The following WDR59 variants were observed in gnomAD, a reference collection of about 807,000 sequenced individuals.
WDR59 encodes the protein GATOR2 complex protein WDR59.
A neutral mutation model predicts 131.2 loss-of-function variants in WDR59; 100 were observed. That is an observed-to-expected ratio of 0.76 (90% CI 0.65 to 0.90). The LOEUF (loss-of-function observed/expected upper bound fraction) is 0.90, where lower values mean the gene tolerates loss of function less well. WDR59 is among the 40% of genes least tolerant of loss of function. The pLI is 0.00. For synonymous variants in WDR59, 601 were observed against 466.2 expected (o/e 1.29, Z -3.72); for missense variants, 1,203 against 1,262.2 (o/e 0.95, Z 0.71).
intron 1 of WDR59, among the ~76,000 whole-genome samples, chr16:74,981,639 TA>T (rs1567450696): frequency 0.15 from 6,126 of 40,860 alleles, 976 homozygotes; most frequent in Admixed American, 0.16. Context: ...TATATATATA[TA>T]TATATATATA....
chr16:74,941,693 A>AG (rs974678276), intron 7 of WDR59, among the ~76,000 whole-genome samples: 1 of 105,714 alleles, frequency 9.5e-6, no homozygotes, highest in Non-Finnish European at 1.7e-5. Flanking sequence ...CTCTGTCTCA[A>AG]GAAAAAAAAA....
chr16:74,946,636 C>T (rs552170322), intron 6 of WDR59, among the ~76,000 whole-genome samples: 2 of 152,000 alleles, frequency 1.3e-5, no homozygotes, highest in East Asian at 3.9e-4. Flanking sequence ...GTGGGAGAAA[C>T]GCTTGAACAA....
chr16:74,916,166 T>C lies in WDR59; in HGVS notation c.1060A>G (p.Thr354Ala). 1 of 1,614,186 alleles carries C rather than the reference T, an allele frequency of 6.2e-7. No individual in the cohort carries two copies. Among genetic ancestry groups the C allele is most frequent in the Non-Finnish European group, 8.5e-7 (1 of 1,180,022 alleles). The change falls in exon 12 of 26, where the codon ACA becomes GCA. Residue 354 changes from threonine to alanine, a missense_variant. Physicochemically the swap from Thr to Ala is moderately conservative, Grantham distance 58. Transcript: ENST00000262144. ...TGGCTTGCAGTGTGCTGGTGATCTG[T>C]ATCTTCAGTGTGCAGGGTCTTCTCA... ...EPEKTLHTED[T>A]DHQHTASHGE...
At chr16:74,900,296 TG>T (rs1965491427) in intron 18 of WDR59, among the ~76,000 whole-genome samples, 1 of 151,652 alleles carries the variant, frequency 6.6e-6, no homozygotes, top group South Asian at 2.1e-4. Flanking sequence ...ATCTTCAGAG[TG>T]ACACCATGGG....
At chr16:74,967,554 C>A (rs917245064) in intron 1 of WDR59, among the ~76,000 whole-genome samples, 2 of 152,126 alleles carry the variant, frequency 1.3e-5, no homozygotes, top group Non-Finnish European at 2.9e-5. Flanking sequence ...AGGTCCCAAT[C>A]AATTGACCTT....
At chr16:74,878,479 C>T (rs1008217462) in intron 25 of WDR59, among the ~76,000 whole-genome samples, 3 of 152,082 alleles carry the variant, frequency 2.0e-5, no homozygotes, top group African/African-American at 7.2e-5. Context: ...CATGGCAAAA[C>T]CCATCTCTAC....
In WDR59 at chr16:74,912,282, T is replaced by G. The variant is rs373612301; in HGVS notation, c.1305A>C (p.Ala435=). The stretch of plus-strand genomic sequence containing the variant: ...AAGGGGCGGCGTTGTTTGGGTACTG[T>G]GCAGGGAACTTCACCAGCATCTTGA... The part of the protein sequence containing the change: ...HRVKMLVKFP[A]QYPNNAAPSF... Residue 435 remains alanine, a synonymous_variant, in exon 14 of 26, where the codon GCA becomes GCC. Transcript: ENST00000262144. The G allele has an allele frequency of 6.2e-7, 1 of 1,614,188 alleles. No homozygotes were observed. The highest frequency in any genetic ancestry group is 1.7e-5 in the Admixed American group (1 of 60,012).
chr16:74,919,880 C>G (rs182552661), intron 10 of WDR59, among the ~76,000 whole-genome samples: 2 of 152,128 alleles, frequency 1.3e-5, no homozygotes, highest in Admixed American at 1.3e-4. Context: ...GACTACCAGC[C>G]TGGGCAACAT....
At chr16:74,940,069 T>G (rs774208098) in intron 7 of WDR59, among the ~76,000 whole-genome samples, 1 of 151,792 alleles carries the variant, frequency 6.6e-6, no homozygotes, top group Non-Finnish European at 1.5e-5. Context: ...TACTCATCTG[T>G]AAAAAAGGGA....
chr16:74,957,957 G>C (rs1311082188), intron 2 of WDR59, among the ~76,000 whole-genome samples: 3 of 152,160 alleles, frequency 2.0e-5, no homozygotes, highest in African/African-American at 4.8e-5. Context: ...AGAAAGTGCA[G>C]AACAAATATC....
At chr16:74,943,308 A>C (rs569478951) in intron 6 of WDR59, among the ~76,000 whole-genome samples, 1 of 151,988 alleles carries the variant, frequency 6.6e-6, no homozygotes, top group East Asian at 1.9e-4. Context: ...GACCAGCTAC[A>C]GAATAAGCCC....
chr16:74,951,139 G>A (rs369688286), intron 4 of WDR59, among the ~76,000 whole-genome samples: 4 of 132,214 alleles, frequency 3.0e-5, no homozygotes, highest in Admixed American at 1.8e-4. Flanking sequence ...CAGCCTGGGC[G>A]ACAGAGTGAG....
At chr16:74,959,867 A>G (rs3921019) in intron 2 of WDR59, among the ~76,000 whole-genome samples, 81,620 of 149,770 alleles carry the variant, frequency 0.54, 23,446 homozygotes, top group East Asian at 0.76. Context: ...AGAAAAGAAG[A>G]AATTCAAAGG....
chr16:74,979,377 A>C (rs1248312301), intron 1 of WDR59, among the ~76,000 whole-genome samples: 1 of 151,488 alleles, frequency 6.6e-6, no homozygotes, highest in Non-Finnish European at 1.5e-5. Flanking sequence ...GAGGCAGGAG[A>C]ATGGCATGAA....
intron 13 of WDR59, among the ~76,000 whole-genome samples, chr16:74,912,599 G>A (rs1010216474): frequency 2.0e-5 from 3 of 152,144 alleles, no homozygotes; most frequent in South Asian, 2.1e-4. Flanking sequence ...CAGCTCGGTC[G>A]GGGTGACCCT....
intron 2 of WDR59, among the ~76,000 whole-genome samples, chr16:74,957,151 G>T (rs2145163978): frequency 6.8e-6 from 1 of 147,362 alleles, no homozygotes; most frequent in East Asian, 2.0e-4. Flanking sequence ...TATGATCTCA[G>T]CTCACTGCAA....
chr16:74,886,694 C>T (rs996922878), intron 23 of WDR59, among the ~76,000 whole-genome samples: 1 of 152,082 alleles, frequency 6.6e-6, no homozygotes, highest in Non-Finnish European at 1.5e-5. Context: ...CCCAGGCAGG[C>T]AGATCACCTG....
intron 1 of WDR59, among the ~76,000 whole-genome samples, chr16:74,970,948 G>A (rs1011724971): frequency 1.3e-5 from 2 of 151,962 alleles, no homozygotes; most frequent in Non-Finnish European, 2.9e-5. Context: ...CTACTTGGGG[G>A]GCTGAGGGGA....
chr16:74,975,622 C>T (rs1275920956), intron 1 of WDR59, among the ~76,000 whole-genome samples: 1 of 151,246 alleles, frequency 6.6e-6, no homozygotes, highest in African/African-American at 2.4e-5. Context: ...CGAGATCATG[C>T]CACTGCACTC....
Sources: allele counts gnomAD v4.1 joint callset (sites outside exome capture counted in the v4.1 genomes callset), GRCh38; gene constraint gnomAD v4.1.1; transcripts MANE v1.5; gene names NCBI Gene and HGNC (gene_info 2026-07-23, HGNC 2026-07-21).